The following GOLPH3 variants were observed in gnomAD, a reference collection of about 807,000 sequenced individuals.
GOLPH3 encodes the protein golgi phosphoprotein 3.
GOLPH3 carries 14 observed loss-of-function variants against 28.5 expected under a neutral mutation model. That is an observed-to-expected ratio of 0.49 (90% CI 0.32 to 0.77). The LOEUF (loss-of-function observed/expected upper bound fraction) is 0.77. Among genes scored for constraint, GOLPH3 ranks in the 30% least tolerant of loss-of-function variants. The pLI is 0.03. For synonymous variants in GOLPH3, 158 were observed against 159.2 expected (o/e 0.99, Z 0.06); for missense variants, 350 against 393.7 (o/e 0.89, Z 0.94).
chr5:32,167,043 C>T (rs543559048), intron 1 of GOLPH3, among the ~76,000 whole-genome samples: 1 of 152,092 alleles, frequency 6.6e-6, no homozygotes, highest in South Asian at 2.1e-4. Flanking sequence ...AAGCATAATG[C>T]CTGATGCCTC....
intron 1 of GOLPH3, among the ~76,000 whole-genome samples, chr5:32,164,555 A>G (rs1407458495): frequency 1.3e-5 from 2 of 151,580 alleles, no homozygotes; most frequent in African/African-American, 4.9e-5. Context: ...CAGCACGCCA[A>G]GCTAATTTCT....
intron 1 of GOLPH3, among the ~76,000 whole-genome samples, chr5:32,150,687 A>G (rs551117666): frequency 1.4e-4 from 22 of 152,150 alleles, no homozygotes; most frequent in Non-Finnish European, 2.4e-4. Flanking sequence ...TTTTTTTCAC[A>G]TTTTGGAATA....
intron 2 of GOLPH3, among the ~76,000 whole-genome samples, chr5:32,139,450 T>C (rs895136319): frequency 6.6e-6 from 1 of 152,244 alleles, no homozygotes; most frequent in African/African-American, 2.4e-5. Context: ...TCTGGCTGTT[T>C]TTCACTTGGA....
chr5:32,133,686 T>C (rs1415620672), intron 3 of GOLPH3, among the ~76,000 whole-genome samples: 2 of 152,248 alleles, frequency 1.3e-5, no homozygotes, highest in Non-Finnish European at 2.9e-5. Flanking sequence ...CTGACAGGCA[T>C]ACATGGGAGG....
In GOLPH3 at chr5:32,135,758, C is replaced by A. The variant is rs1182252658; in HGVS notation, c.358-72G>T. The A allele has an allele frequency of 6.0e-6, 5 of 833,762 alleles. No homozygotes were observed. The African/African-American group carries it at 6.9e-5, about 12-fold the overall frequency. The allele number at this position is 833,762 out of a possible 1,614,324, so 51.6% of individuals were successfully genotyped here. A position where few individuals can be genotyped will look rare whatever the true frequency, so the allele number is the denominator to read the frequency against. ...TGAGTTGATCTCATTAAATGAAAAA[C>A]AAACAATTATATAAATAATTCATTA... On this transcript the variant is annotated intron_variant, in intron 2 of 3. Coordinates refer to ENST00000265070, the MANE Select transcript of GOLPH3 (RefSeq NM_022130.4).
At chr5:32,131,367 C>T (rs562864923) in intron 3 of GOLPH3, among the ~76,000 whole-genome samples, 55 of 152,246 alleles carry the variant, frequency 3.6e-4, no homozygotes, top group African/African-American at 1.3e-3. Flanking sequence ...TAAAGTCACA[C>T]CTGAGTTTAG....
intron 2 of GOLPH3, among the ~76,000 whole-genome samples, chr5:32,138,556 T>A (rs1234922262): frequency 6.6e-6 from 1 of 152,206 alleles, no homozygotes; most frequent in Non-Finnish European, 1.5e-5. Context: ...TTCTAGTAGT[T>A]ATATTTTAAA....
intron 1 of GOLPH3, among the ~76,000 whole-genome samples, chr5:32,172,682 G>A (rs531357675): frequency 6.6e-6 from 1 of 150,758 alleles, no homozygotes; most frequent in African/African-American, 2.4e-5. Context: ...GCGACAAACT[G>A]AGGCTCCGTC....
chr5:32,165,783 A>G (rs569541367), intron 1 of GOLPH3, among the ~76,000 whole-genome samples: 36 of 152,318 alleles, frequency 2.4e-4, no homozygotes, highest in African/African-American at 7.2e-4. Flanking sequence ...TTAGAATCCT[A>G]GATGTGTGGT....
At chr5:32,157,806 C>T (rs1020427748) in intron 1 of GOLPH3, among the ~76,000 whole-genome samples, 4 of 151,728 alleles carry the variant, frequency 2.6e-5, no homozygotes, top group African/African-American at 7.3e-5. Flanking sequence ...AGTGAAACCC[C>T]ATCGCTACTA....
chr5:32,166,364 A>G (rs1399028233), intron 1 of GOLPH3, among the ~76,000 whole-genome samples: 1 of 152,218 alleles, frequency 6.6e-6, no homozygotes, highest in African/African-American at 2.4e-5. Context: ...TAAGTCAAAA[A>G]CCTCAAAATG....
intron 1 of GOLPH3, among the ~76,000 whole-genome samples, chr5:32,161,131 G>A (rs993610772): frequency 2.0e-5 from 3 of 149,272 alleles, no homozygotes; most frequent in Non-Finnish European, 2.9e-5. Flanking sequence ...GGCTGGGCCC[G>A]GTGGTTCACA....
intron 2 of GOLPH3, among the ~76,000 whole-genome samples, chr5:32,139,713 CTAAATA>C (rs538493059): frequency 5.6e-4 from 85 of 152,102 alleles, no homozygotes; most frequent in African/African-American, 1.8e-3. Context: ...GGAACCATTC[CTAAATA>C]TAAACAGACA....
At chr5:32,170,277 C>T (rs913351528) in intron 1 of GOLPH3, among the ~76,000 whole-genome samples, 1 of 152,044 alleles carries the variant, frequency 6.6e-6, no homozygotes, top group African/African-American at 2.4e-5. Context: ...CAGTGGTTAC[C>T]CCTGAGGAAT....
chr5:32,160,981 G>T (rs1746558641), intron 1 of GOLPH3, among the ~76,000 whole-genome samples: 2 of 147,552 alleles, frequency 1.4e-5, no homozygotes, highest in South Asian at 4.2e-4. Context: ...GCAGGAGAAT[G>T]GCGTGAACCT....
chr5:32,166,518 TA>T, intron 1 of GOLPH3, among the ~76,000 whole-genome samples: 1 of 152,242 alleles, frequency 6.6e-6, no homozygotes, highest in Admixed American at 6.5e-5. Context: ...GGACACTTAC[TA>T]AAAAGCAGCA....
chr5:32,154,008 A>G (rs905268300), intron 1 of GOLPH3, among the ~76,000 whole-genome samples: 9 of 152,256 alleles, frequency 5.9e-5, no homozygotes, highest in African/African-American at 2.2e-4. Flanking sequence ...GAAATTATCA[A>G]AGGTTAATAA....
chr5:32,169,862 G>C (rs1442631159), intron 1 of GOLPH3, among the ~76,000 whole-genome samples: 1 of 151,274 alleles, frequency 6.6e-6, no homozygotes, highest in Non-Finnish European at 1.5e-5. Flanking sequence ...CTGCCCAAGT[G>C]AGCATGAAAA....
At chr5:32,151,286 G>A (rs918951961) in intron 1 of GOLPH3, among the ~76,000 whole-genome samples, 1 of 151,680 alleles carries the variant, frequency 6.6e-6, no homozygotes, top group Non-Finnish European at 1.5e-5. Context: ...CAGCACTTTG[G>A]GAGGCAAAGG....
Sources: gnomAD v4.1 joint callset for allele counts (sites outside exome capture counted in the v4.1 genomes callset) on GRCh38, gnomAD v4.1.1 for gene constraint, MANE v1.5 for transcripts, NCBI Gene and HGNC (gene_info 2026-07-23, HGNC 2026-07-21) for gene names.